SLC35F3: variants seen among roughly 807,000 people sequenced by gnomAD.
SLC35F3 encodes putative thiamine transporter SLC35F3.
SLC35F3 carries 25 observed loss-of-function variants against 49.9 expected under a neutral mutation model. The ratio of observed to expected loss-of-function variants is 0.50; its 90% CI spans 0.37 to 0.70. The LOEUF is 0.70. Ranked by LOEUF, SLC35F3 falls within the 30% of genes least tolerant of loss-of-function variation. The probability of loss-of-function intolerance (pLI) is 0.00; values close to 1 mark genes in which losing one functional copy is unlikely to be tolerated. For synonymous variants in SLC35F3, 275 were observed against 265.4 expected, an observed-to-expected ratio of 1.04 and a Z score of -0.35; for missense variants, 525 against 639.8, an observed-to-expected ratio of 0.82 and a Z score of 1.94.
chr1:234,315,685 G>A (rs984549847), intron 4 of SLC35F3, among the ~76,000 whole-genome samples: 4 of 152,220 alleles, frequency 2.6e-5, no homozygotes, highest in Non-Finnish European at 5.9e-5. Context: ...TGATTCATAA[G>A]AGGGATAAAA....
intron 2 of SLC35F3, among the ~76,000 whole-genome samples, chr1:233,932,999 A>G (rs1348781776): frequency 6.7e-6 from 1 of 150,172 alleles, no homozygotes; most frequent in African/African-American, 2.4e-5. Flanking sequence ...TGAAGAGCAT[A>G]TGCTTAAAGA....
chr1:234,011,407 AATAATT>A (rs1663718499), intron 2 of SLC35F3, among the ~76,000 whole-genome samples: 1 of 152,170 alleles, frequency 6.6e-6, no homozygotes, highest in Non-Finnish European at 1.5e-5. Context: ...TTTATTTTAC[AATAATT>A]TATATGTATT....
chr1:234,159,682 T>C (rs1450388136), intron 2 of SLC35F3, among the ~76,000 whole-genome samples: 1 of 152,226 alleles, frequency 6.6e-6, no homozygotes, highest in Non-Finnish European at 1.5e-5. Flanking sequence ...TTGGTCACCC[T>C]CTTTGTAATC....
chr1:233,944,603 A>C (rs1662483562), intron 2 of SLC35F3, among the ~76,000 whole-genome samples: 1 of 152,194 alleles, frequency 6.6e-6, no homozygotes, highest in South Asian at 2.1e-4. Flanking sequence ...TGGCTGAGGC[A>C]GACATCCAAA....
intron 2 of SLC35F3, among the ~76,000 whole-genome samples, chr1:234,109,010 A>G (rs886560264): frequency 6.6e-6 from 1 of 151,848 alleles, no homozygotes; most frequent in South Asian, 2.1e-4. Flanking sequence ...CCTGCCACCA[A>G]TCTCAGGGAG....
At chr1:233,919,099 T>TA (rs1364367046) in intron 2 of SLC35F3, among the ~76,000 whole-genome samples, 1 of 152,122 alleles carries the variant, frequency 6.6e-6, no homozygotes, top group Non-Finnish European at 1.5e-5. Context: ...ATTTTCAAAA[T>TA]AAAAAATGTC....
At chr1:233,981,115 G>A (rs1036601011) in intron 2 of SLC35F3, among the ~76,000 whole-genome samples, 4 of 152,156 alleles carry the variant, frequency 2.6e-5, no homozygotes, top group African/African-American at 9.7e-5. Flanking sequence ...TTCCCCGCTG[G>A]TAGCATTTTA....
chr1:233,984,655 ATGT>A lies in SLC35F3; in HGVS notation c.283+78901_283+78903del, dbSNP rs902497623. Among the ~76,000 whole-genome samples the A allele has an allele frequency of 5.3e-5, 8 of 152,168 alleles. No homozygotes were observed. The East Asian group carries it at 9.6e-4, about 18-fold the overall frequency. ...ACAAATTTGGGGTCAGTAGAAAAGA[ATGT>A]TGTCTCTGGCTCGTGAGTGTGACTC... is the stretch of plus-strand genomic sequence containing the variant. On this transcript the variant is annotated intron_variant, in intron 2 of 7. Transcript: ENST00000366618.
At chr1:234,176,176 C>T (rs1489809947) in intron 2 of SLC35F3, among the ~76,000 whole-genome samples, 4 of 152,138 alleles carry the variant, frequency 2.6e-5, no homozygotes, top group Non-Finnish European at 4.4e-5. Context: ...CAAATTCTGC[C>T]GCCAAGAAGC....
At chr1:234,223,112 C>T (rs1667234642) in intron 2 of SLC35F3, among the ~76,000 whole-genome samples, 2 of 152,228 alleles carry the variant, frequency 1.3e-5, no homozygotes, top group South Asian at 4.1e-4. Flanking sequence ...CTTACCCATA[C>T]CCTGTCAGTT....
chr1:234,316,209 G>A (rs1657486403), intron 4 of SLC35F3, among the ~76,000 whole-genome samples: 1 of 152,184 alleles, frequency 6.6e-6, no homozygotes, highest in African/African-American at 2.4e-5. Flanking sequence ...CAGAAGGCTG[G>A]GGAAGAACTC....
chr1:233,905,136 T>C lies in SLC35F3; in HGVS notation c.53+6T>C. 1 of 1,554,078 alleles carries C rather than the reference T, an allele frequency of 6.4e-7. No individual in the cohort carries two copies. The highest frequency in any genetic ancestry group is 8.7e-7 in the Non-Finnish European group (1 of 1,148,058). ...AGGGGCAAGAGCATTGCCGTGTGAG[T>C]AGCGCCCCGGGCGTGGGTGAGCGAG... On this transcript the variant is annotated splice_donor_region_variant and intron_variant, in intron 1 of 7. Transcript: ENST00000366618.
chr1:234,091,238 C>A (rs1665039936), intron 2 of SLC35F3, among the ~76,000 whole-genome samples: 1 of 151,984 alleles, frequency 6.6e-6, no homozygotes, highest in South Asian at 2.1e-4. Context: ...TCACTCTATC[C>A]CCTAGCGGCT....
intron 3 of SLC35F3, among the ~76,000 whole-genome samples, chr1:234,265,292 C>T (rs537069194): frequency 2.0e-5 from 3 of 152,270 alleles, no homozygotes; most frequent in African/African-American, 4.8e-5. Flanking sequence ...TGCAGTTGCA[C>T]AGGCCAAAAA....
chr1:234,274,422 G>A (rs1668163709), intron 3 of SLC35F3: 2 of 152,156 alleles, frequency 1.3e-5, no homozygotes, highest in Admixed American at 6.5e-5. Flanking sequence ...GTATTTCCAG[G>A]GATAGGATCA....
chr1:233,988,272 C>G (rs1358711190), intron 2 of SLC35F3, among the ~76,000 whole-genome samples: 2 of 152,158 alleles, frequency 1.3e-5, no homozygotes, highest in Non-Finnish European at 2.9e-5. Flanking sequence ...CATCCAGGCT[C>G]TTGCTTAAAA....
chr1:233,950,925 T>G lies in SLC35F3; in HGVS notation c.283+45167T>G, dbSNP rs568069027. Among the ~76,000 whole-genome samples the G allele has an allele frequency of 2.0e-5, 3 of 152,240 alleles. No individual in the cohort carries two copies. In the East Asian group the frequency reaches 5.8e-4, roughly 29 times the overall value. ...GTTTGACTGAACAAACCTTCTAGCT[T>G]TTAGAGTAACAAGCTCTGATGACAG... On this transcript the variant is annotated intron_variant, in intron 2 of 7. Transcript: ENST00000366618.
intron 3 of SLC35F3, among the ~76,000 whole-genome samples, chr1:234,297,492 G>A (rs1370189920): frequency 6.6e-6 from 1 of 152,194 alleles, no homozygotes; most frequent in Non-Finnish European, 1.5e-5. Context: ...GGGCAACATC[G>A]ATGGACTTAG....
intron 2 of SLC35F3, among the ~76,000 whole-genome samples, chr1:234,203,467 C>T (rs10399720): frequency 0.076 from 11,525 of 152,232 alleles, 1,411 homozygotes; most frequent in African/African-American, 0.26. Flanking sequence ...AATCCCAGCA[C>T]TTTGGGAAGC....
Sources: gnomAD v4.1 joint callset for allele counts (sites outside exome capture counted in the v4.1 genomes callset) on GRCh38, gnomAD v4.1.1 for gene constraint, MANE v1.5 for transcripts, NCBI Gene and HGNC (gene_info 2026-07-23, HGNC 2026-07-21) for gene names.